The following RBFOX2 variants were observed in gnomAD, a reference collection of about 807,000 sequenced individuals.
The protein encoded by RBFOX2 is RNA binding fox-1 homolog 2.
In RBFOX2, 10 loss-of-function variants were observed where a neutral mutation model predicts 49.1. That is an observed-to-expected ratio of 0.20 (90% CI 0.13 to 0.35). The LOEUF (loss-of-function observed/expected upper bound fraction) is 0.35, where lower values mean the gene tolerates loss of function less well. Ranked by LOEUF, RBFOX2 falls within the 10% of genes least tolerant of loss-of-function variation. The probability of loss-of-function intolerance (pLI) is 1.00; values close to 1 mark genes in which losing one functional copy is unlikely to be tolerated. For synonymous variants in RBFOX2, 183 were observed against 187.4 expected (o/e 0.98, Z 0.19); for missense variants, 323 against 486.9 (o/e 0.66, Z 3.17).
chr22:35,752,479 C>T (rs991874525), intron 9 of RBFOX2: 5 of 334,216 alleles, frequency 1.5e-5, no homozygotes, highest in Non-Finnish European at 2.1e-5. Flanking sequence ...TTAGATCACA[C>T]GCTCACAAGT....
exon 12 of RBFOX2, chr22:35,740,814 A>C (rs1929535056): frequency 6.6e-6 from 1 of 152,216 alleles, no homozygotes; most frequent in Non-Finnish European, 1.5e-5. Flanking sequence ...TCTGGAAGCT[A>C]TATAACTAGT....
chr22:35,852,277 T>A (rs1410694316), intron 1 of RBFOX2, among the ~76,000 whole-genome samples: 1 of 151,924 alleles, frequency 6.6e-6, no homozygotes, highest in Non-Finnish European at 1.5e-5. Flanking sequence ...TCTGCAGGGG[T>A]GTGAGAGGGT....
At chr22:35,896,213 C>T (rs965601150) in intron 1 of RBFOX2, among the ~76,000 whole-genome samples, 4 of 152,150 alleles carry the variant, frequency 2.6e-5, no homozygotes, top group Non-Finnish European at 4.4e-5. Flanking sequence ...ACCACTTCTC[C>T]TCTGCACATC....
chr22:35,907,602 C>G (rs1389558484), intron 1 of RBFOX2, among the ~76,000 whole-genome samples: 1 of 152,076 alleles, frequency 6.6e-6, no homozygotes, highest in Admixed American at 6.5e-5. Flanking sequence ...GAACTTAATC[C>G]TAAATGTTTT....
chr22:35,989,267 A>G (rs2057860539), intron 1 of RBFOX2, among the ~76,000 whole-genome samples: 1 of 152,224 alleles, frequency 6.6e-6, no homozygotes, highest in African/African-American at 2.4e-5. Flanking sequence ...AAAAAGAAAA[A>G]GACCTAGAAT....
rs183862906 is a variant in RBFOX2 at position 35,755,213 on chromosome 22, G to C, written c.887+4675C>G. Among the ~76,000 whole-genome samples the C allele has an allele frequency of 1.5e-3, 231 of 152,282 alleles. 1 individual carries two copies. The highest frequency in any genetic ancestry group is 2.5e-3 in the Non-Finnish European group (169 of 68,012). On this transcript the variant is annotated intron_variant, in intron 9 of 11. Coordinates refer to ENST00000405409, the Ensembl canonical transcript of RBFOX2. The stretch of plus-strand genomic sequence containing the variant: ...GTTTTTCTTATAAAAATTTTCCCTT[G>C]ATGACTTGAGCGACTAAATCAAGCT...
At chr22:35,959,657 C>A (rs2055981625) in intron 1 of RBFOX2, among the ~76,000 whole-genome samples, 2 of 152,228 alleles carry the variant, frequency 1.3e-5, no homozygotes, top group African/African-American at 4.8e-5. Context: ...TGGGGCCATA[C>A]TGTAAACAGA....
At chr22:35,961,450 C>A in intron 1 of RBFOX2, 2 of 1,171,286 alleles carry the variant, frequency 1.7e-6, no homozygotes, top group Non-Finnish European at 2.3e-6. Flanking sequence ...CAGCACAATT[C>A]CACACGACCG....
chr22:35,752,689 A>T, intron 9 of RBFOX2: 1 of 963,570 alleles, frequency 1.0e-6, no homozygotes, highest in Non-Finnish European at 1.2e-6. Flanking sequence ...AGTTCAAAAA[A>T]CACAGCTGTG....
intron 1 of RBFOX2, among the ~76,000 whole-genome samples, chr22:36,004,866 T>C (rs548078058): frequency 6.6e-6 from 1 of 152,170 alleles, no homozygotes; most frequent in Admixed American, 6.5e-5. Flanking sequence ...TGAGCAACCC[T>C]TTCATCCCAC....
At position 35,816,881 on chromosome 22, in the gene RBFOX2, A is replaced by G. The variant is rs370835779; in HGVS notation, c.28-6877T>C. Among the ~76,000 whole-genome samples, 23 of 152,122 alleles carry G rather than the reference A, an allele frequency of 1.5e-4. No homozygotes were observed. The South Asian group carries it at 4.4e-3, about 29-fold the overall frequency. Reference sequence around the variant, plus strand: ...ACAACCCAGCTCCTCACACCTACCAACTCATCTTTTACCTTGTTCTTTGAA... The same window carrying G: ...ACAACCCAGCTCCTCACACCTACCAGCTCATCTTTTACCTTGTTCTTTGAA... On this transcript the variant is annotated intron_variant, in intron 1 of 11. Transcript: ENST00000405409.
intron 4 of RBFOX2, among the ~76,000 whole-genome samples, chr22:35,772,968 T>C (rs1477000456): frequency 6.6e-6 from 1 of 150,584 alleles, no homozygotes; most frequent in Non-Finnish European, 1.5e-5. Context: ...AGCAGACAGA[T>C]CTCCTGGGTA....
At chr22:35,908,738 A>G (rs2049416442) in intron 1 of RBFOX2, among the ~76,000 whole-genome samples, 1 of 152,216 alleles carries the variant, frequency 6.6e-6, no homozygotes, top group African/African-American at 2.4e-5. Context: ...TATGAGTCAC[A>G]AAATAAAAAA....
At chr22:35,754,084 A>C (rs1481100548) in intron 9 of RBFOX2, among the ~76,000 whole-genome samples, 1 of 150,804 alleles carries the variant, frequency 6.6e-6, no homozygotes, top group Non-Finnish European at 1.5e-5. Flanking sequence ...TGCCTGGCCA[A>C]AGTAGGCAAG....
intron 1 of RBFOX2, among the ~76,000 whole-genome samples, chr22:36,006,881 C>T (rs533135213): frequency 1.3e-5 from 2 of 152,302 alleles, no homozygotes; most frequent in South Asian, 2.1e-4. Context: ...AAGCACTACT[C>T]ATCCTGGCTT....
rs2059521449 is a variant in RBFOX2, at chr22:36,028,144, C to T, written c.186+96G>A. 8.3e-6 allele frequency: 11 copies of T among 1,323,652 alleles called. No individual in the cohort carries two copies. In the South Asian group the frequency reaches 2.0e-4, roughly 24 times the overall value. 82.0% of individuals were successfully genotyped at this position (1,323,652 alleles called of 1,614,324 possible). ...CCCCCATCCCACCTCCAACCCAGGA[C>T]TCCCGGAGGCCCTCCCTCTCTCCAA... On this transcript the variant is annotated intron_variant, in intron 1 of 13. Transcript: ENST00000438146.
chr22:36,014,914 G>A (rs1272570439), intron 1 of RBFOX2, among the ~76,000 whole-genome samples: 2 of 152,146 alleles, frequency 1.3e-5, no homozygotes, highest in African/African-American at 4.8e-5. Context: ...AAATGCCAAA[G>A]TTAACCAACT....
chr22:35,745,092 T>C (rs906149760), intron 11 of RBFOX2, among the ~76,000 whole-genome samples: 1 of 152,262 alleles, frequency 6.6e-6, no homozygotes. Context: ...CAGTAGAAAT[T>C]TGGTGTGAGA....
At chr22:35,740,530 C>G (rs1208667989) in exon 12 of RBFOX2, 1 of 152,582 alleles carries the variant, frequency 6.6e-6, no homozygotes, top group Non-Finnish European at 1.5e-5. Context: ...CCCTTCCCCA[C>G]CCCCCAAAGT....
Sources: allele counts gnomAD v4.1 joint callset (sites outside exome capture counted in the v4.1 genomes callset), GRCh38; gene constraint gnomAD v4.1.1; transcripts MANE v1.5; gene names NCBI Gene and HGNC (gene_info 2026-07-23, HGNC 2026-07-21).